Variants in ARHGAP15 observed in about 807,000 individuals in gnomAD.
ARHGAP15 encodes the protein rho GTPase-activating protein 15.
A neutral mutation model predicts 63.7 loss-of-function variants in ARHGAP15; 51 were observed. The observed-to-expected ratio is 0.80, with a 90% CI of 0.64 to 1.01. The LOEUF (loss-of-function observed/expected upper bound fraction) is 1.01, where lower values mean the gene tolerates loss of function less well. Among genes scored for constraint, ARHGAP15 ranks in the 50% least tolerant of loss-of-function variants. The pLI, the probability that ARHGAP15 is intolerant of heterozygous loss-of-function variation, is 0.00. For synonymous variants in ARHGAP15, 191 were observed against 193.8 expected, an observed-to-expected ratio of 0.99 and a Z score of 0.12; for missense variants, 560 against 564.6, an observed-to-expected ratio of 0.99 and a Z score of 0.08.
chr2:143,328,835 T>C (rs1437158830), intron 6 of ARHGAP15, among the ~76,000 whole-genome samples: 2 of 152,214 alleles, frequency 1.3e-5, no homozygotes. Context: ...AATAGTATAA[T>C]TGGAATATTT....
At chr2:143,275,608 T>C (rs1681509894) in intron 6 of ARHGAP15, among the ~76,000 whole-genome samples, 1 of 152,228 alleles carries the variant, frequency 6.6e-6, no homozygotes, top group Non-Finnish European at 1.5e-5. Context: ...AATTTTTCCT[T>C]AAGGCAAGCT....
chr2:143,403,252 C>T (rs376794743), intron 6 of ARHGAP15, among the ~76,000 whole-genome samples: 3 of 151,486 alleles, frequency 2.0e-5, no homozygotes, highest in East Asian at 3.9e-4. Context: ...GATTTCTAGT[C>T]TTGTATTAAT....
At chr2:143,505,371 C>A (rs73005369) in intron 9 of ARHGAP15, among the ~76,000 whole-genome samples, 1,851 of 152,272 alleles carry the variant, frequency 0.012, 38 homozygotes, top group African/African-American at 0.042. Context: ...AACATGATAC[C>A]TATTCATTCA....
At chr2:143,595,869 C>G (rs1697496839) in intron 11 of ARHGAP15, among the ~76,000 whole-genome samples, 1 of 152,116 alleles carries the variant, frequency 6.6e-6, no homozygotes, top group East Asian at 1.9e-4. Context: ...AAACAATCTT[C>G]CAAAGTATTG....
At chr2:143,373,628 T>C (rs1686662884) in intron 6 of ARHGAP15, among the ~76,000 whole-genome samples, 1 of 31,252 alleles carries the variant, frequency 3.2e-5, no homozygotes, top group Non-Finnish European at 5.7e-5. Flanking sequence ...AGACTCTATC[T>C]CAAAAAAAAA....
chr2:143,300,440 C>A (rs1439522556), intron 6 of ARHGAP15, among the ~76,000 whole-genome samples: 1 of 151,986 alleles, frequency 6.6e-6, no homozygotes, highest in Non-Finnish European at 1.5e-5. Flanking sequence ...CATATAGGAT[C>A]CTCAGTGTAT....
chr2:143,559,139 T>C (rs1695926151), intron 11 of ARHGAP15, among the ~76,000 whole-genome samples: 2 of 152,152 alleles, frequency 1.3e-5, no homozygotes, highest in African/African-American at 4.8e-5. Context: ...ATTGGGATTC[T>C]AGACAGCTGG....
chr2:143,661,872 A>AATGGCGCACCACGAGATTAT (rs1681807645), intron 12 of ARHGAP15, among the ~76,000 whole-genome samples: 1 of 152,220 alleles, frequency 6.6e-6, no homozygotes, highest in South Asian at 2.1e-4. Flanking sequence ...CGGCTTAAAA[A>AATGGCGCACCACGAGATTAT]ATGGCGCACC....
chr2:143,338,999 C>A (rs749599150), intron 6 of ARHGAP15, among the ~76,000 whole-genome samples: 21 of 152,130 alleles, frequency 1.4e-4, no homozygotes, highest in Middle Eastern at 6.8e-3. Context: ...CCATAACAAG[C>A]AATAAGTATG....
At chr2:143,171,524 C>A (rs919517944) in intron 2 of ARHGAP15, among the ~76,000 whole-genome samples, 1 of 152,086 alleles carries the variant, frequency 6.6e-6, no homozygotes, top group African/African-American at 2.4e-5. Flanking sequence ...AGTAGAAAGG[C>A]AGGCTGGGGA....
chr2:143,536,166 T>A (rs1273051281), intron 10 of ARHGAP15, among the ~76,000 whole-genome samples: 1 of 152,200 alleles, frequency 6.6e-6, no homozygotes, highest in Non-Finnish European at 1.5e-5. Flanking sequence ...TAATTATAAT[T>A]ATGTATCCTT....
At chr2:143,540,763 C>T (rs1695011574) in intron 10 of ARHGAP15, among the ~76,000 whole-genome samples, 1 of 152,168 alleles carries the variant, frequency 6.6e-6, no homozygotes, top group Non-Finnish European at 1.5e-5. Context: ...GTCTGATGGG[C>T]TTCCCTTTGT....
At position 143,624,201 on chromosome 2, in the gene ARHGAP15, T is replaced by A. The variant is rs1435849658; in HGVS notation, c.1072T>A (p.Phe358Ile). The change falls in exon 12 of 14, where the codon TTT (phenylalanine) becomes ATT (isoleucine). Residue 358 changes from phenylalanine to isoleucine, a missense_variant. Phe to Ile is a conservative substitution (Grantham distance 21). Coordinates refer to ENST00000295095, the MANE Select transcript of ARHGAP15 (RefSeq NM_018460.4). ...IHVVTGALKM[F>I]FRELPEPLFP... Reference sequence around the variant, plus strand: ...CGTTGTCACCGGAGCACTGAAGATGTTTTTCCGGGAGCTGCCTGAGCCGCT... The same window carrying A: ...CGTTGTCACCGGAGCACTGAAGATGATTTTCCGGGAGCTGCCTGAGCCGCT... 5 of 1,613,442 alleles carry A rather than the reference T, an allele frequency of 3.1e-6. No homozygotes were observed. The Admixed American group carries it at 8.3e-5, about 27-fold the overall frequency.
chr2:143,592,009 A>G (rs528440038), intron 11 of ARHGAP15, among the ~76,000 whole-genome samples: 1 of 152,252 alleles, frequency 6.6e-6, no homozygotes, highest in South Asian at 2.1e-4. Context: ...ATAAAGCACT[A>G]TAGTCCATAT....
chr2:143,505,366 G>C (rs946185414), intron 9 of ARHGAP15, among the ~76,000 whole-genome samples: 6 of 152,150 alleles, frequency 3.9e-5, no homozygotes, highest in African/African-American at 1.4e-4. Context: ...CTCACAACAT[G>C]ATACCTATTC....
chr2:143,143,657 G>A (rs1313425099), intron 1 of ARHGAP15, among the ~76,000 whole-genome samples: 1 of 147,302 alleles, frequency 6.8e-6, no homozygotes, highest in East Asian at 2.0e-4. Flanking sequence ...AAACCATCAA[G>A]ACACTGGGAC....
At chr2:143,372,860 TGATAAA>T (rs1436576129) in intron 6 of ARHGAP15, among the ~76,000 whole-genome samples, 4 of 152,136 alleles carry the variant, frequency 2.6e-5, no homozygotes, top group Admixed American at 6.5e-5. Flanking sequence ...ATGTTCTAGA[TGATAAA>T]GATAAAGTAT....
intron 5 of ARHGAP15, among the ~76,000 whole-genome samples, chr2:143,233,521 T>C (rs1693527043): frequency 6.6e-6 from 1 of 152,116 alleles, no homozygotes; most frequent in African/African-American, 2.4e-5. Flanking sequence ...CCTTTGTTTT[T>C]CTACAGTTTC....
chr2:143,385,509 C>G (rs1442002760), intron 6 of ARHGAP15, among the ~76,000 whole-genome samples: 1 of 152,102 alleles, frequency 6.6e-6, no homozygotes, highest in Non-Finnish European at 1.5e-5. Context: ...TACCAGCAGG[C>G]ATTTCACCAA....
Sources: allele counts gnomAD v4.1 joint callset (sites outside exome capture counted in the v4.1 genomes callset), GRCh38; gene constraint gnomAD v4.1.1; transcripts MANE v1.5; gene names NCBI Gene and HGNC (gene_info 2026-07-23, HGNC 2026-07-21).